Variants in CFAP90 observed in about 807,000 individuals in gnomAD.
CFAP90 encodes the protein cilia- and flagella-associated protein 90.
chr5:7,845,549 C>T, the CFAP90 span, among the ~76,000 whole-genome samples: 5 of 152,214 alleles, frequency 3.3e-5, no homozygotes, highest in African/African-American at 1.2e-4. Flanking sequence ...GTTATAATTG[C>T]TTTAAATGCA....
At chr5:7,831,216 T>C in the CFAP90 span, 16 of 152,406 alleles carry the variant, frequency 1.0e-4, no homozygotes, top group African/African-American at 3.8e-4. Context: ...ATAGTGAGCA[T>C]TGCTGGCCAC....
chr5:7,836,019 C>T, the CFAP90 span, among the ~76,000 whole-genome samples: 1 of 152,106 alleles, frequency 6.6e-6, no homozygotes, highest in South Asian at 2.1e-4. Flanking sequence ...CTCCCTGTAT[C>T]CTCACATGCT....
chr5:7,848,114 T>C, the CFAP90 span, among the ~76,000 whole-genome samples: 2 of 152,138 alleles, frequency 1.3e-5, no homozygotes, highest in African/African-American at 2.4e-5. Flanking sequence ...ATACTTAAAA[T>C]GTAAAATTCA....
chr5:7,850,181 T>TAC, the CFAP90 span, among the ~76,000 whole-genome samples: 1 of 152,198 alleles, frequency 6.6e-6, no homozygotes, highest in East Asian at 1.9e-4. Context: ...CTGACACTGG[T>TAC]AGTCGCCTGA....
At chr5:7,831,820 C>T in the CFAP90 span, 36 of 1,588,630 alleles carry the variant, frequency 2.3e-5, no homozygotes, top group South Asian at 7.8e-5. Context: ...CACAGGGTAT[C>T]GGACATGCCC....
chr5:7,850,967 G>T, the CFAP90 span: 1 of 1,319,282 alleles, frequency 7.6e-7, no homozygotes, highest in East Asian at 2.9e-5. Context: ...ACGGGCGGCG[G>T]CCTGGGCTTG....
At chr5:7,842,568 A>C in the CFAP90 span, among the ~76,000 whole-genome samples, 1 of 152,084 alleles carries the variant, frequency 6.6e-6, no homozygotes, top group Admixed American at 6.5e-5. Context: ...ATAAATTCAG[A>C]GCATCCAATA....
the CFAP90 span, among the ~76,000 whole-genome samples, chr5:7,846,375 G>A: frequency 1.3e-5 from 2 of 152,176 alleles, no homozygotes; most frequent in African/African-American, 4.8e-5. Flanking sequence ...AACAACAGAT[G>A]CTTATTTCTC....
the CFAP90 span, among the ~76,000 whole-genome samples, chr5:7,848,066 A>G: frequency 6.6e-6 from 1 of 152,234 alleles, no homozygotes; most frequent in African/African-American, 2.4e-5. Context: ...ACTGCTATGC[A>G]TTAATCATAA....
At chr5:7,835,334 G>T in the CFAP90 span, 1 of 1,040,176 alleles carries the variant, frequency 9.6e-7, no homozygotes, top group Non-Finnish European at 1.5e-6. Flanking sequence ...CCTCTATAAA[G>T]TTTTGTTAAT....
At chr5:7,832,527 A>C in the CFAP90 span, among the ~76,000 whole-genome samples, 2 of 152,000 alleles carry the variant, frequency 1.3e-5, no homozygotes, top group Non-Finnish European at 2.9e-5. Flanking sequence ...TTTGAGAAGG[A>C]GTCTTGCTCT....
At chr5:7,843,178 G>T in the CFAP90 span, among the ~76,000 whole-genome samples, 3 of 152,174 alleles carry the variant, frequency 2.0e-5, no homozygotes, top group African/African-American at 7.2e-5. Flanking sequence ...ATTCATCAGG[G>T]CCTCAATTTA....
At chr5:7,833,573 CACAA>C in the CFAP90 span, among the ~76,000 whole-genome samples, 5 of 152,094 alleles carry the variant, frequency 3.3e-5, no homozygotes, top group East Asian at 1.9e-4. Flanking sequence ...TATGCCCACA[CACAA>C]ACATATGTAC....
chr5:7,850,455 T>A, the CFAP90 span, among the ~76,000 whole-genome samples: 1 of 150,056 alleles, frequency 6.7e-6, no homozygotes, highest in Admixed American at 6.6e-5. Context: ...CCAGGGCCCC[T>A]CCTCGTTGTG....
the CFAP90 span, among the ~76,000 whole-genome samples, chr5:7,848,250 T>C: frequency 6.6e-6 from 1 of 152,148 alleles, no homozygotes; most frequent in South Asian, 2.1e-4. Context: ...TTCCCTCCTG[T>C]CTTAATATTC....
At chr5:7,848,757 G>A in the CFAP90 span, among the ~76,000 whole-genome samples, 1 of 152,208 alleles carries the variant, frequency 6.6e-6, no homozygotes, top group East Asian at 1.9e-4. Flanking sequence ...TCTCGTGATA[G>A]TGAGTTAGTT....
the CFAP90 span, among the ~76,000 whole-genome samples, chr5:7,841,451 T>C: frequency 6.6e-6 from 1 of 152,144 alleles, no homozygotes; most frequent in African/African-American, 2.4e-5. Flanking sequence ...GAAATACCAT[T>C]CAACCCAGCA....
At chr5:7,831,831 T>C in the CFAP90 span, 1 of 1,600,126 alleles carries the variant, frequency 6.2e-7, no homozygotes, top group Non-Finnish European at 8.5e-7. Flanking sequence ...GGACATGCCC[T>C]GTGGGCCACG....
the CFAP90 span, among the ~76,000 whole-genome samples, chr5:7,847,934 C>G: frequency 3.7e-3 from 556 of 152,286 alleles, 2 homozygotes; most frequent in African/African-American, 5.0e-3. Context: ...GGCATTATTA[C>G]CAATGTTTTT....
Sources: gnomAD v4.1 joint callset for allele counts (sites outside exome capture counted in the v4.1 genomes callset) on GRCh38, gnomAD v4.1.1 for gene constraint, MANE v1.5 for transcripts, NCBI Gene and HGNC (gene_info 2026-07-23, HGNC 2026-07-21) for gene names.